Variants in DYRK1A observed in about 807,000 individuals in gnomAD.
The protein encoded by DYRK1A is dual specificity tyrosine-phosphorylation-regulated kinase 1A.
Under a neutral mutation model 79.7 loss-of-function variants are expected in DYRK1A, and 9 were observed. That is an observed-to-expected ratio of 0.11 (90% confidence interval 0.07 to 0.20). The LOEUF (loss-of-function observed/expected upper bound fraction) is 0.20. Ranked by LOEUF, DYRK1A falls within the 10% of genes least tolerant of loss-of-function variation. The probability of loss-of-function intolerance (pLI) is 1.00; values close to 1 mark genes in which losing one functional copy is unlikely to be tolerated. For synonymous variants in DYRK1A, 349 were observed against 329.7 expected (o/e 1.06, Z -0.63); for missense variants, 622 against 956.0 (o/e 0.65, Z 4.61).
intron 2 of DYRK1A, among the ~76,000 whole-genome samples, chr21:37,471,675 C>T (rs2052229856): frequency 6.6e-6 from 1 of 152,188 alleles, no homozygotes; most frequent in Admixed American, 6.5e-5. Flanking sequence ...GGATCTCCAA[C>T]CCCAGCAACC....
At chr21:37,507,097 T>TG (rs1261501518) in intron 11 of DYRK1A, among the ~76,000 whole-genome samples, 2 of 152,202 alleles carry the variant, frequency 1.3e-5, no homozygotes, top group East Asian at 1.9e-4. Context: ...TCTTACCCAC[T>TG]CTTTGCTTTG....
In DYRK1A at chr21:37,430,156, ATAT is replaced by A. The variant is rs1455033865; in HGVS notation, c.10+9774_10+9776del. The A allele has an allele frequency of 1.7e-5, 5 of 291,054 alleles. No individual in the cohort carries two copies. The South Asian group carries it at 6.7e-4, about 39-fold the overall frequency. 18.0% of individuals were successfully genotyped at this position (291,054 alleles called of 1,614,324 possible). A position where few individuals can be genotyped will look rare whatever the true frequency, so the allele number is the denominator to read the frequency against. ...TGAAATGAGAGCTTTAGAGCCCTTTATATTTCTTTTTACCTCACAGCTGTTACC... is the reference window on the plus strand; with the variant it reads ...TGAAATGAGAGCTTTAGAGCCCTTTATTCTTTTTACCTCACAGCTGTTACC... On this transcript the variant is annotated intron_variant, in intron 2 of 11. Transcript: ENST00000647188.
chr21:37,445,289 C>G (rs776131811), intron 2 of DYRK1A, among the ~76,000 whole-genome samples: 2 of 152,052 alleles, frequency 1.3e-5, no homozygotes, highest in Non-Finnish European at 1.5e-5. Flanking sequence ...GAATGCACAC[C>G]GGAAAGTAAT....
chr21:37,393,912 A>C (rs2049914284), intron 1 of DYRK1A, among the ~76,000 whole-genome samples: 1 of 152,126 alleles, frequency 6.6e-6, no homozygotes, highest in African/African-American at 2.4e-5. Context: ...AAGTGCGCAA[A>C]GTTGAGGCTG....
chr21:37,480,223 A>G (rs1304870640), intron 4 of DYRK1A, among the ~76,000 whole-genome samples: 1 of 152,146 alleles, frequency 6.6e-6, no homozygotes, highest in Non-Finnish European at 1.5e-5. Context: ...TAAAGTTGGG[A>G]TTGACTGGAA....
At chr21:37,405,648 A>AC (rs1292982289) in intron 1 of DYRK1A, among the ~76,000 whole-genome samples, 17 of 152,228 alleles carry the variant, frequency 1.1e-4, no homozygotes, top group Non-Finnish European at 2.4e-4. Context: ...CTTGTCAAAT[A>AC]TCAGAAAGGT....
At chr21:37,436,918 T>A (rs1187903090) in intron 2 of DYRK1A, among the ~76,000 whole-genome samples, 1 of 152,204 alleles carries the variant, frequency 6.6e-6, no homozygotes. Flanking sequence ...GTATCCATGC[T>A]GTAAGAGAGG....
At chr21:37,468,870 A>G (rs2052124113) in intron 2 of DYRK1A, among the ~76,000 whole-genome samples, 1 of 152,238 alleles carries the variant, frequency 6.6e-6, no homozygotes, top group African/African-American at 2.4e-5. Context: ...TTTATTCATC[A>G]AAGTATACCA....
intron 2 of DYRK1A, chr21:37,464,348 A>G: frequency 2.2e-6 from 1 of 449,726 alleles, no homozygotes; most frequent in East Asian, 6.3e-5. Context: ...GGCTGAAGTA[A>G]GAAAGCTGCT....
rs545016534 is a variant in DYRK1A, at chr21:37,432,780, A to G, written c.10+12396A>G. ...TAAAAAAAAGTTAACAGTTATTCTA[A>G]AAATATTTCTTATAGGGGAGAAAAT... On this transcript the variant is annotated intron_variant, in intron 2 of 11. Coordinates refer to ENST00000647188, the MANE Select transcript of DYRK1A (RefSeq NM_001347721.2). Among the ~76,000 whole-genome samples the G allele has an allele frequency of 1.2e-4, 19 of 152,174 alleles. 1 individual carries two copies. In the East Asian group the frequency reaches 3.3e-3, roughly 26 times the overall value.
intron 1 of DYRK1A, among the ~76,000 whole-genome samples, chr21:37,397,437 C>A (rs1213849285): frequency 6.6e-6 from 1 of 152,120 alleles, no homozygotes; most frequent in African/African-American, 2.4e-5. Context: ...CCTGATTATA[C>A]CTTTGTCTCC....
chr21:37,457,696 A>T (rs766428517), intron 2 of DYRK1A, among the ~76,000 whole-genome samples: 21 of 152,230 alleles, frequency 1.4e-4, no homozygotes, highest in Non-Finnish European at 2.5e-4. Context: ...CTGCAATTCA[A>T]TATAGGTACC....
chr21:37,417,544 T>TTC (rs2050379008), intron 1 of DYRK1A, among the ~76,000 whole-genome samples: 1 of 127,504 alleles, frequency 7.8e-6, no homozygotes, highest in Non-Finnish European at 1.7e-5. Flanking sequence ...TTTTTTTTTT[T>TTC]TTTTTTTTTT....
At chr21:37,402,065 A>G (rs1466508797) in intron 1 of DYRK1A, among the ~76,000 whole-genome samples, 2 of 152,158 alleles carry the variant, frequency 1.3e-5, no homozygotes, top group African/African-American at 4.8e-5. Flanking sequence ...CCCTTTGTGC[A>G]ATTGCTGCCA....
At chr21:37,508,637 A>AATGTAG (rs72011480) in intron 11 of DYRK1A, among the ~76,000 whole-genome samples, 42,995 of 151,740 alleles carry the variant, frequency 0.28, 6,204 homozygotes, top group South Asian at 0.38. Flanking sequence ...CCTGAAGTGA[A>AATGTAG]ATGTAGACTT....
At chr21:37,446,536 A>G (rs555239435) in intron 2 of DYRK1A, among the ~76,000 whole-genome samples, 4 of 152,012 alleles carry the variant, frequency 2.6e-5, no homozygotes, top group East Asian at 3.9e-4. Context: ...AAATATTCCT[A>G]TCCTGACATT....
chr21:37,399,896 A>G (rs2050023088), intron 1 of DYRK1A, among the ~76,000 whole-genome samples: 1 of 152,214 alleles, frequency 6.6e-6, no homozygotes, highest in Non-Finnish European at 1.5e-5. Context: ...TATTTTAAGA[A>G]CATTTGGAAA....
chr21:37,444,835 G>A (rs1277677899), intron 2 of DYRK1A, among the ~76,000 whole-genome samples: 2 of 152,148 alleles, frequency 1.3e-5, no homozygotes, highest in African/African-American at 4.8e-5. Context: ...TCTTGCTTGG[G>A]TATAAAGGGA....
chr21:37,383,214 T>G (rs1319565054), intron 1 of DYRK1A, among the ~76,000 whole-genome samples: 2 of 152,230 alleles, frequency 1.3e-5, no homozygotes, highest in Non-Finnish European at 1.5e-5. Context: ...GGATAGCAGC[T>G]TATCTTTTCC....
Sources: gnomAD v4.1 joint callset for allele counts (sites outside exome capture counted in the v4.1 genomes callset) on GRCh38, gnomAD v4.1.1 for gene constraint, MANE v1.5 for transcripts, NCBI Gene and HGNC (gene_info 2026-07-23, HGNC 2026-07-21) for gene names.